Variants in RASEF observed in about 807,000 individuals in gnomAD.
RASEF encodes the protein ras and EF-hand domain-containing protein.
A neutral mutation model predicts 90.1 loss-of-function variants in RASEF; 68 were observed. The ratio of observed to expected loss-of-function variants is 0.75; its 90% CI spans 0.62 to 0.92. The LOEUF is 0.92. RASEF is among the 40% of genes least tolerant of loss of function. The pLI is 0.00. For missense variants in RASEF, 949 were observed against 937.2 expected, an observed-to-expected ratio of 1.01 and a Z score of -0.16; for synonymous variants, 331 against 345.2, an observed-to-expected ratio of 0.96 and a Z score of 0.46.
intron 1 of RASEF, among the ~76,000 whole-genome samples, chr9:83,035,812 G>T (rs970264943): frequency 4.6e-5 from 7 of 151,948 alleles, no homozygotes; most frequent in African/African-American, 1.7e-4. Context: ...TTCTCTTTAG[G>T]TGACATCTGT....
chr9:83,000,561 T>C lies in RASEF; in HGVS notation c.1447A>G (p.Ile483Val). ...GDASDTDVPD[I>V]RDEETFGLED... ...AAACCAAATGTCTCTTCATCCCTTA[T>C]GTCAGGAACCTATTTTTTTTAAAAT... Residue 483 changes from isoleucine (I) to valine (V), a missense_variant, in exon 11 of 17, where the codon ATA becomes GTA. Transcript: ENST00000376447. 2 of 1,584,334 alleles carry C rather than the reference T, an allele frequency of 1.3e-6. No homozygotes were observed. Among genetic ancestry groups the C allele is most frequent in the Non-Finnish European group, 8.5e-7 (1 of 1,171,178 alleles).
the RASEF span, among the ~76,000 whole-genome samples, chr9:83,071,616 G>C: frequency 6.6e-6 from 1 of 152,098 alleles, no homozygotes; most frequent in Non-Finnish European, 1.5e-5. Flanking sequence ...TCATTGCCCA[G>C]GCTGGTTTTG....
the RASEF span, among the ~76,000 whole-genome samples, chr9:83,207,742 G>C: frequency 2.6e-5 from 4 of 151,384 alleles, no homozygotes; most frequent in African/African-American, 9.7e-5. Flanking sequence ...CAGGTAGCTA[G>C]GATTACAGGC....
the RASEF span, among the ~76,000 whole-genome samples, chr9:83,111,103 A>G: frequency 6.6e-6 from 1 of 152,226 alleles, no homozygotes; most frequent in Non-Finnish European, 1.5e-5. Context: ...AGTACGAGCA[A>G]ATAATAAGAA....
intron 5 of RASEF, 84 bp downstream of exon 5, chr9:83,012,350 G>T: frequency 1.5e-6 from 1 of 662,664 alleles, no homozygotes; most frequent in Non-Finnish European, 2.4e-6. Context: ...CCTTTAAGCT[G>T]CTCTTCCTGG....
chr9:83,148,547 G>A, the RASEF span, among the ~76,000 whole-genome samples: 1 of 152,144 alleles, frequency 6.6e-6, no homozygotes, highest in East Asian at 1.9e-4. Context: ...CCCTCTCACA[G>A]CCCTCAGAAG....
the RASEF span, among the ~76,000 whole-genome samples, chr9:83,125,646 G>C: frequency 5.1e-4 from 78 of 152,254 alleles, no homozygotes; most frequent in Middle Eastern, 3.4e-3. Flanking sequence ...GAATAGGTAA[G>C]CAAACATTGT....
the RASEF span, among the ~76,000 whole-genome samples, chr9:83,163,949 G>T: frequency 7.1e-6 from 1 of 140,854 alleles, no homozygotes; most frequent in Non-Finnish European, 1.6e-5. Context: ...CAAAGAAAAA[G>T]AAAACACTAT....
At chr9:83,002,860 A>G (rs1026472279) in intron 9 of RASEF, among the ~76,000 whole-genome samples, 2 of 152,132 alleles carry the variant, frequency 1.3e-5, no homozygotes, top group Admixed American at 6.5e-5. Context: ...CTGTGCATGT[A>G]CCCCCTGAAT....
At chr9:83,168,136 G>T in the RASEF span, among the ~76,000 whole-genome samples, 3 of 152,026 alleles carry the variant, frequency 2.0e-5, no homozygotes, top group Admixed American at 2.0e-4. Context: ...GTGAATGAGG[G>T]TCCCAATTTC....
At chr9:83,175,063 C>T in the RASEF span, among the ~76,000 whole-genome samples, 1 of 152,044 alleles carries the variant, frequency 6.6e-6, no homozygotes, top group Admixed American at 6.5e-5. Flanking sequence ...GCATGTGATC[C>T]ATGAATAGAG....
At chr9:83,103,713 A>C in the RASEF span, among the ~76,000 whole-genome samples, 2 of 152,188 alleles carry the variant, frequency 1.3e-5, no homozygotes, top group Non-Finnish European at 2.9e-5. Context: ...ATTGTATAAG[A>C]CTTATTTTTA....
the RASEF span, among the ~76,000 whole-genome samples, chr9:83,179,406 GCAT>G: frequency 6.6e-6 from 1 of 152,106 alleles, no homozygotes; most frequent in Admixed American, 6.5e-5. Context: ...TATGGTTCAA[GCAT>G]CAGGCTGTTT....
chr9:83,126,279 A>G, the RASEF span, among the ~76,000 whole-genome samples: 1 of 152,194 alleles, frequency 6.6e-6, no homozygotes, highest in South Asian at 2.1e-4. Flanking sequence ...GTAAGAAGAG[A>G]TACCAGAGCT....
At chr9:82,983,188 G>A (rs1828649555) in intron 16 of RASEF, among the ~76,000 whole-genome samples, 1 of 150,706 alleles carries the variant, frequency 6.6e-6, no homozygotes, top group African/African-American at 2.5e-5. Flanking sequence ...TGAGGTTTCA[G>A]GATGCTGCAG....
At chr9:83,044,940 A>T (rs1347808339) in intron 1 of RASEF, among the ~76,000 whole-genome samples, 3 of 152,128 alleles carry the variant, frequency 2.0e-5, no homozygotes, top group Admixed American at 2.0e-4. Flanking sequence ...TCCCAGGAGG[A>T]AGAGGGAATT....
the RASEF span, among the ~76,000 whole-genome samples, chr9:83,096,900 G>C: frequency 6.6e-6 from 1 of 150,906 alleles, no homozygotes; most frequent in Non-Finnish European, 1.5e-5. Context: ...TTTTGTCCTT[G>C]CGATAGTTTG....
chr9:83,151,316 G>A, the RASEF span, among the ~76,000 whole-genome samples: 2 of 152,272 alleles, frequency 1.3e-5, no homozygotes, highest in East Asian at 1.9e-4. Context: ...AATTGAAAGA[G>A]AGCAAGGAAT....
the RASEF span, among the ~76,000 whole-genome samples, chr9:83,106,011 C>A: frequency 2.0e-5 from 3 of 152,118 alleles, no homozygotes; most frequent in Admixed American, 2.0e-4. Flanking sequence ...TGCAAACAAC[C>A]ATGTGTTTTC....
Sources: gnomAD v4.1 joint callset for allele counts (sites outside exome capture counted in the v4.1 genomes callset) on GRCh38, gnomAD v4.1.1 for gene constraint, MANE v1.5 for transcripts, NCBI Gene and HGNC (gene_info 2026-07-23, HGNC 2026-07-21) for gene names.